The following HYCC2 variants were observed in gnomAD, a reference collection of about 807,000 sequenced individuals.
The protein encoded by HYCC2 is hyccin 2.
the HYCC2 span, chr2:200,992,300 A>G: frequency 1.2e-6 from 2 of 1,608,656 alleles, no homozygotes. Flanking sequence ...TTGAGAAAAA[A>G]GCTCTAGCTG....
chr2:201,046,987 T>C, the HYCC2 span, among the ~76,000 whole-genome samples: 5,706 of 152,146 alleles, frequency 0.038, 143 homozygotes, highest in Middle Eastern at 0.088. Flanking sequence ...TCACAGATAA[T>C]TGTAAAATGA....
chr2:201,069,519 T>G, the HYCC2 span, among the ~76,000 whole-genome samples: 2 of 150,414 alleles, frequency 1.3e-5, no homozygotes, highest in Non-Finnish European at 3.0e-5. Flanking sequence ...AAGACAGCTC[T>G]AGTAGGCTGG....
the HYCC2 span, chr2:200,981,976 G>T: frequency 8.0e-7 from 1 of 1,249,020 alleles, no homozygotes; most frequent in Non-Finnish European, 1.1e-6. The surrounding 1 kb of genome is among the most constrained non-coding windows in gnomAD (Gnocchi z 4.5). Flanking sequence ...GCTATAGGTT[G>T]TCAATGGCCC....
the HYCC2 span, among the ~76,000 whole-genome samples, chr2:201,016,508 T>C: frequency 1.2e-4 from 18 of 152,208 alleles, no homozygotes; most frequent in Admixed American, 8.5e-4. Flanking sequence ...CTCAAACTCC[T>C]GGGCTCAAGT....
chr2:201,004,085 G>A, the HYCC2 span, among the ~76,000 whole-genome samples: 1 of 152,058 alleles, frequency 6.6e-6, no homozygotes, highest in Non-Finnish European at 1.5e-5. Flanking sequence ...CCAAGTGCTG[G>A]GATTACAGGC....
At chr2:201,017,238 T>A in the HYCC2 span, 8 of 1,140,978 alleles carry the variant, frequency 7.0e-6, no homozygotes, top group Admixed American at 2.7e-5. Context: ...TTTTTTTTTT[T>A]AAGGCACCTA....
the HYCC2 span, among the ~76,000 whole-genome samples, chr2:201,070,223 AATAAG>A: frequency 6.6e-6 from 1 of 152,192 alleles, no homozygotes; most frequent in Non-Finnish European, 1.5e-5. Context: ...AATTTTTTTA[AATAAG>A]ATAATTTAGT....
At chr2:201,065,252 C>T in the HYCC2 span, among the ~76,000 whole-genome samples, 3 of 152,098 alleles carry the variant, frequency 2.0e-5, no homozygotes, top group African/African-American at 7.2e-5. Flanking sequence ...CACTTGAGAC[C>T]CATTCAAGTT....
At chr2:201,060,066 G>GGC in the HYCC2 span, among the ~76,000 whole-genome samples, 1 of 123,576 alleles carries the variant, frequency 8.1e-6, no homozygotes, top group African/African-American at 3.1e-5. Flanking sequence ...GGGGGGGGGG[G>GGC]GTTCTTCTTA....
the HYCC2 span, among the ~76,000 whole-genome samples, chr2:201,049,346 C>T: frequency 5.3e-5 from 8 of 151,822 alleles, no homozygotes; most frequent in African/African-American, 1.9e-4. Context: ...GAATTCTTTT[C>T]TTTTTTCTTT....
At chr2:201,069,540 AGAAACAC>A in the HYCC2 span, among the ~76,000 whole-genome samples, 6 of 97,448 alleles carry the variant, frequency 6.2e-5, no homozygotes, top group East Asian at 1.1e-3. Context: ...TTACATAAGA[AGAAACAC>A]ACACACACAC....
chr2:201,048,522 A>T, the HYCC2 span, among the ~76,000 whole-genome samples: 46,173 of 144,192 alleles, frequency 0.32, 9,479 homozygotes, highest in African/African-American at 0.6. Flanking sequence ...TTTTTTTTTT[A>T]AGCTCATCAG....
At chr2:201,017,230 T>C in the HYCC2 span, 1 of 1,392,876 alleles carries the variant, frequency 7.2e-7, no homozygotes, top group Non-Finnish European at 9.7e-7. Context: ...CTGTTGTTTT[T>C]TTTTTTTTAA....
chr2:200,980,770 CAG>C, the HYCC2 span: 1 of 157,242 alleles, frequency 6.4e-6, no homozygotes, highest in Non-Finnish European at 1.4e-5. Flanking sequence ...TGCACAGACT[CAG>C]AGAAGTCCAA....
chr2:201,013,185 C>A, the HYCC2 span, among the ~76,000 whole-genome samples: 1 of 151,494 alleles, frequency 6.6e-6, no homozygotes, highest in Non-Finnish European at 1.5e-5. Context: ...GAAGAAACAT[C>A]AGGCCGGGCA....
At chr2:201,064,108 G>A in the HYCC2 span, 2 of 1,390,700 alleles carry the variant, frequency 1.4e-6, no homozygotes, top group African/African-American at 2.8e-5. Context: ...GGAAGCTACA[G>A]GTTACAACAG....
At chr2:201,050,244 CA>C in the HYCC2 span, among the ~76,000 whole-genome samples, 2 of 146,466 alleles carry the variant, frequency 1.4e-5, no homozygotes, top group Admixed American at 6.8e-5. Flanking sequence ...CCAAAACAAA[CA>C]AAAAAAACCA....
chr2:201,008,963 T>C, the HYCC2 span: 2 of 1,536,416 alleles, frequency 1.3e-6, no homozygotes, highest in Non-Finnish European at 1.8e-6. Context: ...TATACAGTTT[T>C]GACCATTACC....
the HYCC2 span, among the ~76,000 whole-genome samples, chr2:201,025,335 G>A: frequency 1.3e-5 from 2 of 151,906 alleles, no homozygotes; most frequent in African/African-American, 4.8e-5. Context: ...CCATTTGCTA[G>A]GATCTGGAAA....
Sources: allele counts gnomAD v4.1 joint callset (sites outside exome capture counted in the v4.1 genomes callset), GRCh38; gene constraint gnomAD v4.1.1; non-coding constraint Gnocchi (gnomAD v3.1); transcripts MANE v1.5; gene names NCBI Gene and HGNC (gene_info 2026-07-23, HGNC 2026-07-21).